Variants in ANKH observed in about 807,000 individuals in gnomAD.
The protein encoded by ANKH is ANKH inorganic pyrophosphate transport regulator.
A neutral mutation model predicts 49.0 loss-of-function variants in ANKH; 15 were observed. The observed-to-expected ratio is 0.31, with a 90% CI of 0.20 to 0.47. The LOEUF (loss-of-function observed/expected upper bound fraction) is 0.47, where lower values mean the gene tolerates loss of function less well. Ranked by LOEUF, ANKH falls within the 20% of genes least tolerant of loss-of-function variation. The probability of loss-of-function intolerance (pLI) is 1.00; values close to 1 mark genes in which losing one functional copy is unlikely to be tolerated. For missense variants in ANKH, 429 were observed against 652.0 expected (o/e 0.66, Z 3.72); for synonymous variants, 273 against 260.0 (o/e 1.05, Z -0.48).
At chr5:14,838,583 G>T (rs1372050893) in intron 1 of ANKH, among the ~76,000 whole-genome samples, 1 of 152,100 alleles carries the variant, frequency 6.6e-6, no homozygotes, top group Non-Finnish European at 1.5e-5. Context: ...GTGAGTGGCA[G>T]CCCCTGGGGG....
At chr5:14,722,082 C>T (rs563526742) in intron 8 of ANKH, among the ~76,000 whole-genome samples, 6 of 152,090 alleles carry the variant, frequency 3.9e-5, no homozygotes, top group African/African-American at 1.4e-4. Context: ...TTTGAAAAAA[C>T]AGGACGCTTT....
intron 8 of ANKH, among the ~76,000 whole-genome samples, chr5:14,720,302 A>G (rs1287265469): frequency 6.6e-6 from 1 of 152,218 alleles, no homozygotes; most frequent in Non-Finnish European, 1.5e-5. Context: ...GAAGGAAAAA[A>G]TACTTCCTTA....
At chr5:14,851,348 G>A (rs369035209) in intron 1 of ANKH, among the ~76,000 whole-genome samples, 2 of 152,180 alleles carry the variant, frequency 1.3e-5, no homozygotes, top group Non-Finnish European at 2.9e-5. Context: ...AGTGCCATTC[G>A]GGGCTCAGAA....
chr5:14,773,208 G>T (rs116017108), intron 1 of ANKH, among the ~76,000 whole-genome samples: 3 of 152,060 alleles, frequency 2.0e-5, no homozygotes, highest in Non-Finnish European at 4.4e-5. Context: ...CAAAATCTAG[G>T]ATTGTCAATT....
chr5:14,786,941 A>C (rs922201766), intron 1 of ANKH, among the ~76,000 whole-genome samples: 2 of 152,232 alleles, frequency 1.3e-5, no homozygotes, highest in African/African-American at 4.8e-5. Context: ...GGAAAGGTTA[A>C]ATAATTATGG....
intron 6 of ANKH, among the ~76,000 whole-genome samples, chr5:14,748,291 T>C (rs1313827829): frequency 6.6e-6 from 1 of 152,216 alleles, no homozygotes; most frequent in Non-Finnish European, 1.5e-5. Context: ...ATTTATGTGC[T>C]TCTTTTTCCA....
intron 1 of ANKH, among the ~76,000 whole-genome samples, chr5:14,853,774 G>A (rs914337358): frequency 6.6e-6 from 1 of 151,868 alleles, no homozygotes; most frequent in Non-Finnish European, 1.5e-5. Flanking sequence ...ACAACTAGAT[G>A]GTAAACTATA....
At chr5:14,779,483 C>A (rs1262364984) in intron 1 of ANKH, among the ~76,000 whole-genome samples, 1 of 152,202 alleles carries the variant, frequency 6.6e-6, no homozygotes, top group Admixed American at 6.5e-5. Context: ...TACCTGCTTA[C>A]CTGACTGCCC....
rs1738509830 is a variant in ANKH, at chr5:14,745,665, T to A, written c.915+205A>T. Among the ~76,000 whole-genome samples the A allele has an allele frequency of 6.6e-6, 1 of 152,206 alleles. No homozygotes were observed. The highest frequency in any genetic ancestry group is 2.4e-5 in the African/African-American group (1 of 41,446). The stretch of plus-strand genomic sequence containing the variant: ...ACAGGCTGATCACTTTGGAAAAGCA[T>A]CCTGGGATCAGCGTCAAAGGTAAGC... On this transcript the variant is annotated intron_variant, in intron 7 of 11. Coordinates refer to ENST00000284268, the MANE Select transcript of ANKH (RefSeq NM_054027.6). The surrounding 1 kb of genome is among the most constrained non-coding windows in gnomAD (Gnocchi z 4.7).
At position 14,782,216 on chromosome 5, in the gene ANKH, C is replaced by T. The variant is rs1739829277; in HGVS notation, c.97-13025G>A. Among the ~76,000 whole-genome samples the T allele has an allele frequency of 2.0e-5, 3 of 152,244 alleles. No individual in the cohort carries two copies. The South Asian group carries it at 6.2e-4, about 32-fold the overall frequency. ...TTTGGACCTTAAGAAATCCAGTGAC[C>T]ATGATAATGATGATGATGATCTCAG... On this transcript the variant is annotated intron_variant, in intron 1 of 11. Coordinates refer to ENST00000284268, the MANE Select transcript of ANKH (RefSeq NM_054027.6).
At chr5:14,752,379 T>G (rs1738749804) in intron 4 of ANKH, among the ~76,000 whole-genome samples, 1 of 152,124 alleles carries the variant, frequency 6.6e-6, no homozygotes, top group Non-Finnish European at 1.5e-5. Context: ...ACATTAACAT[T>G]TAAAATACTA....
rs144764166 is a variant in ANKH at position 14,815,760 on chromosome 5, C to T, written c.97-46569G>A. 3.9e-5 allele frequency among the ~76,000 whole-genome samples: 6 copies of T among 152,320 alleles called. No individual in the cohort carries two copies. The East Asian group carries it at 9.6e-4, about 24-fold the overall frequency. ...ACAGGGGCCATGAGCCACACAGACA[C>T]GACCACAAGTGTCCAGGAGCACAGA... On this transcript the variant is annotated intron_variant, in intron 1 of 11. Transcript: ENST00000284268.
At chr5:14,715,387 T>G (rs1737410585) in intron 9 of ANKH, among the ~76,000 whole-genome samples, 1 of 152,212 alleles carries the variant, frequency 6.6e-6, no homozygotes, top group Non-Finnish European at 1.5e-5. Context: ...TGCCTCGGAC[T>G]ACCAAAGTGC....
intron 1 of ANKH, among the ~76,000 whole-genome samples, chr5:14,844,265 A>G (rs998627626): frequency 6.6e-6 from 1 of 152,212 alleles, no homozygotes; most frequent in Non-Finnish European, 1.5e-5. Context: ...TCTCTGCACA[A>G]TAAGTGAATA....
chr5:14,845,726 C>A (rs1037765198), intron 1 of ANKH, among the ~76,000 whole-genome samples: 2 of 152,106 alleles, frequency 1.3e-5, no homozygotes, highest in African/African-American at 4.8e-5. Flanking sequence ...GTCCTACAAC[C>A]CTGGTCAATT....
intron 1 of ANKH, among the ~76,000 whole-genome samples, chr5:14,807,857 G>T (rs1022754855): frequency 6.6e-6 from 1 of 152,148 alleles, no homozygotes; most frequent in Non-Finnish European, 1.5e-5. Context: ...GGTCGGGGGG[G>T]TTACTTGAAT....
At chr5:14,761,014 G>A (rs1427412630) in intron 2 of ANKH, among the ~76,000 whole-genome samples, 3 of 152,180 alleles carry the variant, frequency 2.0e-5, no homozygotes, top group Admixed American at 2.0e-4. Context: ...TCCAATGACT[G>A]ATGTTCTTAT....
intron 1 of ANKH, among the ~76,000 whole-genome samples, chr5:14,853,341 C>A (rs1031968716): frequency 1.3e-5 from 2 of 152,044 alleles, no homozygotes; most frequent in African/African-American, 4.8e-5. Flanking sequence ...TTTGAGAGGC[C>A]AAGGCAGGAG....
At chr5:14,753,393 G>A (rs765414231) in intron 4 of ANKH, among the ~76,000 whole-genome samples, 2 of 152,192 alleles carry the variant, frequency 1.3e-5, no homozygotes, top group Non-Finnish European at 2.9e-5. Flanking sequence ...GTAACATAAG[G>A]TTGGTTCAGA....
Sources: allele counts gnomAD v4.1 joint callset (sites outside exome capture counted in the v4.1 genomes callset), GRCh38; gene constraint gnomAD v4.1.1; non-coding constraint Gnocchi (gnomAD v3.1); transcripts MANE v1.5; gene names NCBI Gene and HGNC (gene_info 2026-07-23, HGNC 2026-07-21).